IL7: variants seen among roughly 807,000 people sequenced by gnomAD.
The protein encoded by IL7 is interleukin-7.
Under a neutral mutation model 21.6 loss-of-function variants are expected in IL7, and 3 were observed. The ratio of observed to expected loss-of-function variants is 0.14; its 90% CI spans 0.06 to 0.36. The LOEUF (loss-of-function observed/expected upper bound fraction) is 0.36, where lower values mean the gene tolerates loss of function less well. Among genes scored for constraint, IL7 ranks in the 10% least tolerant of loss-of-function variants. The probability of loss-of-function intolerance (pLI) is 1.00; values close to 1 mark genes in which losing one functional copy is unlikely to be tolerated. For missense variants in IL7, 175 were observed against 200.2 expected, an observed-to-expected ratio of 0.87 and a Z score of 0.76; for synonymous variants, 62 against 68.1, an observed-to-expected ratio of 0.91 and a Z score of 0.44.
intron 3 of IL7, among the ~76,000 whole-genome samples, chr8:78,704,102 C>A (rs1245765158): frequency 2.0e-5 from 3 of 152,030 alleles, no homozygotes; most frequent in Admixed American, 6.6e-5. Context: ...AGAATGTTAG[C>A]CAGGTGTGGT....
intron 2 of IL7, among the ~76,000 whole-genome samples, chr8:78,757,619 A>T (rs747754550): frequency 6.6e-6 from 1 of 152,034 alleles, no homozygotes; most frequent in African/African-American, 2.4e-5. Context: ...TAATGAATTG[A>T]TCCCTTCATC....
intron 3 of IL7, among the ~76,000 whole-genome samples, chr8:78,693,705 T>G (rs1810299058): frequency 6.6e-6 from 1 of 152,208 alleles, no homozygotes; most frequent in South Asian, 2.1e-4. Context: ...TGATGGTAGT[T>G]TCTTCTGCTG....
At chr8:78,688,519 A>G (rs1016623421) in intron 3 of IL7, among the ~76,000 whole-genome samples, 3 of 152,214 alleles carry the variant, frequency 2.0e-5, no homozygotes, top group Non-Finnish European at 2.9e-5. Context: ...CTTTTTTGAC[A>G]CTACCAGATT....
chr8:78,756,383 G>A (rs1432383119), intron 2 of IL7, among the ~76,000 whole-genome samples: 1 of 151,874 alleles, frequency 6.6e-6, no homozygotes, highest in Admixed American at 6.6e-5. Flanking sequence ...AATAGCTTGA[G>A]AAGAATTGGC....
intron 3 of IL7, among the ~76,000 whole-genome samples, chr8:78,727,644 T>C (rs922670361): frequency 1.9e-4 from 29 of 152,006 alleles, no homozygotes; most frequent in Admixed American, 1.9e-3. Flanking sequence ...CTGAGAAATA[T>C]GTATCCAAAC....
intron 3 of IL7, among the ~76,000 whole-genome samples, chr8:78,691,460 T>C (rs1810208899): frequency 6.6e-6 from 1 of 152,134 alleles, no homozygotes; most frequent in African/African-American, 2.4e-5. Flanking sequence ...TTTCTCTCTA[T>C]TCCTTATATA....
intron 4 of IL7, among the ~76,000 whole-genome samples, chr8:78,681,370 C>T (rs1275575501): frequency 5.3e-5 from 8 of 152,124 alleles, no homozygotes; most frequent in Non-Finnish European, 7.3e-5. Flanking sequence ...AGCAGAACAT[C>T]AGTAGATGAG....
chr8:78,792,238 A>G (rs931846310), intron 2 of IL7, among the ~76,000 whole-genome samples: 7 of 152,134 alleles, frequency 4.6e-5, no homozygotes, highest in Admixed American at 3.3e-4. Context: ...GCCACATGAA[A>G]AAGAATGAAG....
intron 5 of IL7, 85 bp from the exon 6 acceptor site, chr8:78,733,917 T>G (rs1477287537): frequency 1.6e-5 from 15 of 926,902 alleles, no homozygotes; most frequent in Non-Finnish European, 2.2e-5. Flanking sequence ...CATATTACTT[T>G]ATACTGAAAA....
At chr8:78,799,899 A>G (rs1462813989) in intron 1 of IL7, among the ~76,000 whole-genome samples, 1 of 152,086 alleles carries the variant, frequency 6.6e-6, no homozygotes, top group Non-Finnish European at 1.5e-5. Context: ...TTTAAAAAAA[A>G]TATTTTGGCA....
At position 78,704,148 on chromosome 8, in the gene IL7, G is replaced by A. The variant is rs539396431; in HGVS notation, n.214+17200C>T. On this transcript the variant is annotated intron_variant and non_coding_transcript_variant, in intron 3 of 4. Transcript: ENST00000523959. Reference sequence around the variant, plus strand: ...TGTAATCCCAGCACTTTGGGAGACCGAGGCGAGCGGATCACCTGAGGTCAG... The same window carrying A: ...TGTAATCCCAGCACTTTGGGAGACCAAGGCGAGCGGATCACCTGAGGTCAG... Among the ~76,000 whole-genome samples, 4 of 152,214 alleles carry A rather than the reference G, an allele frequency of 2.6e-5. No individual in the cohort carries two copies. In the East Asian group the frequency reaches 5.8e-4, roughly 22 times the overall value.
intron 3 of IL7, among the ~76,000 whole-genome samples, chr8:78,723,139 A>G (rs903941243): frequency 6.7e-6 from 1 of 149,440 alleles, no homozygotes; most frequent in African/African-American, 2.4e-5. Context: ...CAAAGTTCAA[A>G]TCTCTGTAAA....
chr8:78,763,247 T>G (rs1430813137), intron 2 of IL7, among the ~76,000 whole-genome samples: 1 of 152,368 alleles, frequency 6.6e-6, no homozygotes, highest in Non-Finnish European at 1.5e-5. Context: ...CCTGTTTTTC[T>G]TATTCTTAAT....
In IL7 at chr8:78,718,332, A is replaced by G. The variant is rs901571436; in HGVS notation, n.579-290T>C. ...GTATTTGAAAATGTAATTATTTAAT[A>G]TAGAAGGCACAGAATTCCCTGCAAA... is the stretch of plus-strand genomic sequence containing the variant. On this transcript the variant is annotated intron_variant and non_coding_transcript_variant, in intron 6 of 6. Transcript: ENST00000519833. The G allele has an allele frequency of 4.6e-5, 7 of 152,086 alleles. No individual in the cohort carries two copies. The East Asian group carries it at 1.4e-3, about 29-fold the overall frequency. The allele number at this position is 152,086 out of a possible 1,614,324, so 9.4% of individuals were successfully genotyped here.
At chr8:78,760,378 G>C in intron 2 of IL7, 1 of 1,609,554 alleles carries the variant, frequency 6.2e-7, no homozygotes, top group Non-Finnish European at 8.5e-7. Flanking sequence ...GAATACACAG[G>C]ACCTTCAGCA....
chr8:78,697,581 T>C (rs1227717434), intron 3 of IL7: 1 of 998,406 alleles, frequency 1.0e-6, no homozygotes, highest in Non-Finnish European at 1.5e-6. Flanking sequence ...GATAGTGGTC[T>C]ATTCTGGAAT....
intron 2 of IL7, among the ~76,000 whole-genome samples, chr8:78,769,797 A>G (rs1302257586): frequency 6.6e-6 from 1 of 152,214 alleles, no homozygotes; most frequent in Middle Eastern, 3.2e-3. Context: ...CTACAAGGCT[A>G]CAGTAACCAA....
intron 3 of IL7, among the ~76,000 whole-genome samples, chr8:78,697,768 TCCCAG>T (rs1388819955): frequency 6.6e-6 from 1 of 150,754 alleles, no homozygotes; most frequent in Admixed American, 6.6e-5. Flanking sequence ...AACCTTCGCC[TCCCAG>T]GTTCAAATGA....
chr8:78,691,949 T>C (rs1810226971), intron 3 of IL7, among the ~76,000 whole-genome samples: 1 of 152,158 alleles, frequency 6.6e-6, no homozygotes, highest in Non-Finnish European at 1.5e-5. Flanking sequence ...GGGTACAAAG[T>C]GATACCATGA....
Sources: gnomAD v4.1 joint callset for allele counts (sites outside exome capture counted in the v4.1 genomes callset) on GRCh38, gnomAD v4.1.1 for gene constraint, MANE v1.5 for transcripts, NCBI Gene and HGNC (gene_info 2026-07-23, HGNC 2026-07-21) for gene names.